The following EPHB1 variants were observed in gnomAD, a reference collection of about 807,000 sequenced individuals.
EPHB1 encodes ephrin type-B receptor 1.
In EPHB1, 30 loss-of-function variants were observed where a neutral mutation model predicts 94.4. The ratio of observed to expected loss-of-function variants is 0.32; its 90% CI spans 0.24 to 0.43. The LOEUF (loss-of-function observed/expected upper bound fraction) is 0.43, where lower values mean the gene tolerates loss of function less well. EPHB1 is among the 20% of genes least tolerant of loss of function. The probability of loss-of-function intolerance (pLI) is 1.00; values close to 1 mark genes in which losing one functional copy is unlikely to be tolerated. For synonymous variants in EPHB1, 522 were observed against 489.1 expected (o/e 1.07, Z -0.89); for missense variants, 1,055 against 1,308.3 (o/e 0.81, Z 2.99).
intron 1 of EPHB1, among the ~76,000 whole-genome samples, chr3:134,917,332 C>A (rs554578515): frequency 6.6e-6 from 1 of 152,206 alleles, no homozygotes; most frequent in East Asian, 1.9e-4. Context: ...TACACAGCTC[C>A]GTACATTGAA....
chr3:134,959,709 AG>A (rs529635248), intron 3 of EPHB1, among the ~76,000 whole-genome samples: 146 of 152,216 alleles, frequency 9.6e-4, no homozygotes, highest in Admixed American at 2.4e-3. Flanking sequence ...AGCCCCTCAG[AG>A]GGCAATCTGA....
At chr3:135,099,924 G>C (rs181285221) in intron 3 of EPHB1, among the ~76,000 whole-genome samples, 203 of 152,318 alleles carry the variant, frequency 1.3e-3, no homozygotes, top group African/African-American at 4.5e-3. Context: ...CCAGAAGCAT[G>C]TACCTTGCCT....
At chr3:134,974,220 A>G (rs1934094778) in intron 3 of EPHB1, among the ~76,000 whole-genome samples, 2 of 152,294 alleles carry the variant, frequency 1.3e-5, no homozygotes, top group South Asian at 2.1e-4. Flanking sequence ...GCGTGCGCAC[A>G]CATACATACA....
intron 1 of EPHB1, among the ~76,000 whole-genome samples, chr3:134,920,121 C>T (rs955305894): frequency 6.6e-6 from 1 of 152,098 alleles, no homozygotes; most frequent in Non-Finnish European, 1.5e-5. Context: ...GCTGCAAGCT[C>T]CCTGAGGGCT....
intron 6 of EPHB1, among the ~76,000 whole-genome samples, chr3:135,158,954 G>C (rs1321493466): frequency 6.6e-6 from 1 of 152,176 alleles, no homozygotes; most frequent in Non-Finnish European, 1.5e-5. Context: ...GACTCTTTCA[G>C]ACCTTGGCAA....
At chr3:134,970,423 G>C (rs549538545) in intron 3 of EPHB1, among the ~76,000 whole-genome samples, 1 of 152,216 alleles carries the variant, frequency 6.6e-6, no homozygotes, top group East Asian at 1.9e-4. Context: ...ACCCTACCCT[G>C]TCCACTGCTC....
chr3:135,232,799 A>T (rs1036857372), intron 12 of EPHB1, among the ~76,000 whole-genome samples: 1 of 152,218 alleles, frequency 6.6e-6, no homozygotes, highest in Non-Finnish European at 1.5e-5. Flanking sequence ...GGAAACTTAC[A>T]ATCATGGTGG....
chr3:135,234,082 G>A (rs575875592), intron 12 of EPHB1, among the ~76,000 whole-genome samples: 70 of 152,228 alleles, frequency 4.6e-4, no homozygotes, highest in African/African-American at 1.5e-3. Context: ...TTCTACAGCC[G>A]CTTAAATTTC....
At chr3:134,906,168 A>T (rs1253436328) in intron 1 of EPHB1, among the ~76,000 whole-genome samples, 2 of 152,158 alleles carry the variant, frequency 1.3e-5, no homozygotes, top group Admixed American at 6.5e-5. Context: ...CCCCATGTTT[A>T]TTCTGTTTCC....
At chr3:135,231,302 G>T (rs1427976285) in intron 12 of EPHB1, among the ~76,000 whole-genome samples, 2 of 152,200 alleles carry the variant, frequency 1.3e-5, no homozygotes, top group Non-Finnish European at 2.9e-5. Context: ...TTTGGGTGTG[G>T]ATAGTAAAAG....
intron 2 of EPHB1, among the ~76,000 whole-genome samples, chr3:134,949,729 A>G (rs950375706): frequency 2.6e-5 from 4 of 151,780 alleles, no homozygotes; most frequent in Admixed American, 2.6e-4. Context: ...TCTTTTCTCT[A>G]TTTTTTTTAA....
intron 1 of EPHB1, among the ~76,000 whole-genome samples, chr3:134,892,951 A>G (rs2038015594): frequency 6.6e-6 from 1 of 152,172 alleles, no homozygotes; most frequent in Non-Finnish European, 1.5e-5. Context: ...GGACTGGGTC[A>G]AGCCCCTTGC....
intron 3 of EPHB1, among the ~76,000 whole-genome samples, chr3:134,991,784 A>G (rs1934811620): frequency 6.6e-6 from 1 of 151,958 alleles, no homozygotes. Flanking sequence ...TTCCCTCCTC[A>G]TTCCCTAAGT....
At chr3:135,145,253 C>T (rs1940972771) in intron 5 of EPHB1, among the ~76,000 whole-genome samples, 1 of 152,186 alleles carries the variant, frequency 6.6e-6, no homozygotes, top group Non-Finnish European at 1.5e-5. Context: ...CTTCTTTGGT[C>T]ATGAGTACTA....
rs559321367 is a variant in EPHB1, at chr3:134,951,486, G to T, written c.239G>T (p.Arg80Leu). The change falls in exon 3 of 16, where the codon CGG becomes CTG. Residue 80 changes from arginine (R) to leucine (L), a missense_variant. By Grantham distance (102) the Arg-to-Leu change is moderately radical. Transcript: ENST00000398015. The surrounding 1 kb of genome is among the most constrained non-coding windows in gnomAD (Gnocchi z 4.5). The stretch of plus-strand genomic sequence containing the variant: ...CTGCTCACCACCTTCATCAACCGGC[G>T]GGGGGCCCATCGCATCTACACAGAG... ...NWLLTTFINRRGAHRIYTEMR... is the reference protein window; with the variant it reads ...NWLLTTFINRLGAHRIYTEMR... 3.7e-6 allele frequency: 6 copies of T among 1,610,708 alleles called. No individual in the cohort carries two copies. Among genetic ancestry groups the T allele is most frequent in the African/African-American group, 1.3e-5 (1 of 74,182 alleles).
intron 1 of EPHB1, among the ~76,000 whole-genome samples, chr3:134,831,232 C>T (rs774435927): frequency 3.1e-4 from 47 of 152,188 alleles, no homozygotes; most frequent in Non-Finnish European, 6.2e-4. Flanking sequence ...TGGCCTCTAA[C>T]CTGTCCTGGA....
chr3:135,157,758 C>G (rs940443619), intron 6 of EPHB1, among the ~76,000 whole-genome samples: 1 of 152,194 alleles, frequency 6.6e-6, no homozygotes, highest in Non-Finnish European at 1.5e-5. Context: ...AGATGTTAGC[C>G]CATGAGGGCC....
chr3:134,853,572 C>T (rs2037039596), intron 1 of EPHB1, among the ~76,000 whole-genome samples: 2 of 152,336 alleles, frequency 1.3e-5, no homozygotes, highest in South Asian at 2.1e-4. Flanking sequence ...TTTGGGTTGA[C>T]TTTGAAATGG....
chr3:135,001,373 G>C (rs925697592), intron 3 of EPHB1, among the ~76,000 whole-genome samples: 1 of 152,136 alleles, frequency 6.6e-6, no homozygotes, highest in Admixed American at 6.5e-5. Context: ...GGGCTTGCAG[G>C]GATAAATGTC....
Sources: gnomAD v4.1 joint callset for allele counts (sites outside exome capture counted in the v4.1 genomes callset) on GRCh38, gnomAD v4.1.1 for gene constraint, Gnocchi (gnomAD v3.1) non-coding constraint, MANE v1.5 for transcripts, NCBI Gene and HGNC (gene_info 2026-07-23, HGNC 2026-07-21) for gene names.